Variants in ARPP21 observed in about 807,000 individuals in gnomAD.
ARPP21 encodes cAMP-regulated phosphoprotein 21.
Under a neutral mutation model 113.2 loss-of-function variants are expected in ARPP21, and 69 were observed. The observed-to-expected ratio is 0.61, with a 90% CI of 0.50 to 0.74. The LOEUF is 0.74. Ranked by LOEUF, ARPP21 falls within the 30% of genes least tolerant of loss-of-function variation. The pLI is 0.00. For missense variants in ARPP21, 1,070 were observed against 1,037.4 expected, an observed-to-expected ratio of 1.03 and a Z score of -0.43; for synonymous variants, 368 against 375.5, an observed-to-expected ratio of 0.98 and a Z score of 0.23.
At chr3:35,793,063 A>C (rs2151932595) in intron 20 of ARPP21, among the ~76,000 whole-genome samples, 1 of 152,324 alleles carries the variant, frequency 6.6e-6, no homozygotes, top group African/African-American at 2.4e-5. Context: ...AAAATACCCC[A>C]GAAGTAGAAA....
chr3:35,686,364 A>C (rs1442720637), intron 5 of ARPP21, among the ~76,000 whole-genome samples: 1 of 151,770 alleles, frequency 6.6e-6, no homozygotes, highest in African/African-American at 2.4e-5. Flanking sequence ...ATATATGTAC[A>C]TCCCCAGGAA....
chr3:35,721,593 G>C lies in ARPP21; in HGVS notation c.996-12G>C. 4 of 1,503,514 alleles carry C rather than the reference G, an allele frequency of 2.7e-6. No individual in the cohort carries two copies. In the East Asian group the frequency reaches 9.0e-5, roughly 34 times the overall value. The allele number at this position is 1,503,514 out of a possible 1,614,324, so 93.1% of individuals were successfully genotyped here. On this transcript the variant is annotated splice_polypyrimidine_tract_variant and intron_variant, in intron 13 of 20. Transcript: ENST00000684406. ...CCTGTCCCTGTGCATCTTTCTGGTG[G>C]TCGTACTCCAGGGGCAACAGAGATG...
At chr3:35,793,647 G>T in intron 20 of ARPP21, 54 bp from the exon 21 acceptor site, 1 of 1,308,258 alleles carries the variant, frequency 7.6e-7, no homozygotes. Context: ...GTTGTTTATT[G>T]TACAGACCAA....
chr3:35,792,279 C>A, intron 19 of ARPP21, 103 bp from the exon 20 acceptor site: 4 of 906,830 alleles, frequency 4.4e-6, no homozygotes, highest in East Asian at 2.4e-5. Context: ...AATGTGGAGA[C>A]TGAGATGTCT....
chr3:35,761,255 A>G (rs994351857), intron 19 of ARPP21, among the ~76,000 whole-genome samples: 2 of 152,108 alleles, frequency 1.3e-5, no homozygotes, highest in East Asian at 3.9e-4. Flanking sequence ...TGCTTTCTCT[A>G]TATTTAGAGA....
At chr3:35,641,244 G>A (rs1425144792) in intron 1 of ARPP21, among the ~76,000 whole-genome samples, 3 of 144,836 alleles carry the variant, frequency 2.1e-5, no homozygotes, top group African/African-American at 7.8e-5. Flanking sequence ...ATGACACTCA[G>A]CCTCTCAAAA....
Position 35,640,341 on chromosome 3 carries a change from C to T in ARPP21, c.-270C>T, listed in dbSNP as rs1697609476. On this transcript the variant is annotated 5_prime_UTR_variant, in exon 1 of 21. Coordinates refer to ENST00000684406, the MANE Select transcript of ARPP21 (RefSeq NM_001385562.1). ...ACAATAATATTAATAAAATCCAAAA[C>T]TAAATCAAACCAATCAAGGCACCAA... 2 of 152,178 alleles carry T rather than the reference C, an allele frequency of 1.3e-5. No homozygotes were observed. The highest frequency in any genetic ancestry group is 2.4e-5 in the African/African-American group (1 of 41,434). 9.4% of individuals were successfully genotyped at this position (152,178 alleles called of 1,614,324 possible).
chr3:35,748,082 G>GAAAT (rs1384301725), intron 19 of ARPP21, among the ~76,000 whole-genome samples: 1 of 117,956 alleles, frequency 8.5e-6, no homozygotes, highest in Non-Finnish European at 1.8e-5. Flanking sequence ...AAGAAAGAAA[G>GAAAT]AAAGAAAGAA....
rs760955865 is a variant in ARPP21 at position 35,737,382 on chromosome 3, G to T, written c.1644+20G>T. 6.4e-7 allele frequency: 1 copy of T among 1,574,508 alleles called. No homozygotes were observed. Among genetic ancestry groups the T allele is most frequent in the South Asian group, 1.2e-5 (1 of 86,810 alleles). On this transcript the variant is annotated intron_variant, in intron 16 of 20. Transcript: ENST00000684406. ...ACTCAGGTAGGGGGCTGGTTGGAAG[G>T]CAGGGAAGGGAAGTACCCTGAGATG...
intron 19 of ARPP21, among the ~76,000 whole-genome samples, chr3:35,751,485 C>A (rs2095403081): frequency 6.6e-6 from 1 of 152,044 alleles, no homozygotes; most frequent in Non-Finnish European, 1.5e-5. Context: ...AGCGATACTC[C>A]AATCTGCCTT....
intron 1 of ARPP21, among the ~76,000 whole-genome samples, chr3:35,655,627 C>T (rs756863476): frequency 1.3e-5 from 2 of 151,930 alleles, no homozygotes; most frequent in Non-Finnish European, 2.9e-5. Flanking sequence ...CTTTTAAATG[C>T]CAATTGGTGA....
chr3:35,704,447 G>A (rs62259473), intron 9 of ARPP21, among the ~76,000 whole-genome samples: 21,254 of 151,726 alleles, frequency 0.14, 1,553 homozygotes, highest in South Asian at 0.23. Context: ...TTGAAACTTA[G>A]AAGTTCCAAA....
intron 9 of ARPP21, among the ~76,000 whole-genome samples, chr3:35,692,685 G>A (rs978610410): frequency 6.6e-6 from 1 of 151,602 alleles, no homozygotes; most frequent in East Asian, 1.9e-4. Flanking sequence ...AGAAAATTAA[G>A]CATTATATCA....
At position 35,732,880 on chromosome 3, in the gene ARPP21, CT is replaced by C. The variant is rs530710789; in HGVS notation, c.1459+3353del. Among the ~76,000 whole-genome samples, 150 of 151,426 alleles carry C rather than the reference CT, an allele frequency of 9.9e-4. 1 individual carries two copies. Among genetic ancestry groups the C allele is most frequent in the African/African-American group, 2.5e-3 (104 of 41,300 alleles). ...CATCTATTAATCCAAACTGCTTACA[CT>C]TTTTTTTTATTAAATGAATCATGAA... On this transcript the variant is annotated intron_variant, in intron 15 of 20. Coordinates refer to ENST00000684406, the MANE Select transcript of ARPP21 (RefSeq NM_001385562.1).
intron 19 of ARPP21, among the ~76,000 whole-genome samples, chr3:35,751,886 A>G (rs1168275099): frequency 6.6e-6 from 1 of 152,090 alleles, no homozygotes; most frequent in Non-Finnish European, 1.5e-5. Flanking sequence ...ACTCAAAACC[A>G]TCTAATACCT....
At chr3:35,685,809 A>T in intron 5 of ARPP21, 1 of 827,452 alleles carries the variant, frequency 1.2e-6, no homozygotes, top group South Asian at 5.6e-5. Flanking sequence ...TCCTGTACCA[A>T]TGTATTTATT....
At chr3:35,782,790 AAAAAC>A (rs2096552352) in intron 19 of ARPP21, among the ~76,000 whole-genome samples, 1 of 152,184 alleles carries the variant, frequency 6.6e-6, no homozygotes, top group African/African-American at 2.4e-5. Flanking sequence ...AAACAGCAAG[AAAAAC>A]AAAACTATAA....
intron 13 of ARPP21, 140 bp from the exon 14 acceptor site, chr3:35,721,465 G>A (rs1291621080): frequency 6.5e-6 from 4 of 613,096 alleles, no homozygotes; most frequent in Non-Finnish European, 5.9e-6. Context: ...ACACTGGGAG[G>A]CAACTGGTTT....
At chr3:35,649,313 C>T (rs1239295041) in intron 1 of ARPP21, among the ~76,000 whole-genome samples, 1 of 152,078 alleles carries the variant, frequency 6.6e-6, no homozygotes, top group African/African-American at 2.4e-5. Context: ...TATTTTGGTT[C>T]TTACAAAATA....
Sources: gnomAD v4.1 joint callset for allele counts (sites outside exome capture counted in the v4.1 genomes callset) on GRCh38, gnomAD v4.1.1 for gene constraint, MANE v1.5 for transcripts, NCBI Gene and HGNC (gene_info 2026-07-23, HGNC 2026-07-21) for gene names.